Variants in CLUH observed in about 807,000 individuals in gnomAD.
CLUH encodes clustered mitochondria protein homolog.
A neutral mutation model predicts 139.3 loss-of-function variants in CLUH; 77 were observed. The ratio of observed to expected loss-of-function variants is 0.55; its 90% CI spans 0.46 to 0.67. CLUH has a LOEUF of 0.67. Among genes scored for constraint, CLUH ranks in the 30% least tolerant of loss-of-function variants. The probability of loss-of-function intolerance (pLI) is 0.00; values close to 1 mark genes in which losing one functional copy is unlikely to be tolerated. For missense variants in CLUH, 1,876 were observed against 1,875.8 expected (o/e 1.00, Z 0.00); for synonymous variants, 999 against 801.6 (o/e 1.25, Z -4.16).
At chr17:2,692,203 C>A in intron 22 of CLUH, 106 bp from the exon 23 acceptor site, 2 of 1,440,080 alleles carry the variant, frequency 1.4e-6, no homozygotes, top group Non-Finnish European at 1.9e-6. Context: ...CTGGAAGCCA[C>A]CGAGGGGAAC....
chr17:2,703,442 G>C lies in CLUH; in HGVS notation c.351C>G (p.Asp117Glu). The C allele has an allele frequency of 6.2e-7, 1 of 1,613,714 alleles. No individual in the cohort carries two copies. Among genetic ancestry groups the C allele is most frequent in the Middle Eastern group, 1.6e-4 (1 of 6,062 alleles). Reference protein sequence around the residue: ...MVQEIHQVLMDREDTCHRTCF... With the variant: ...MVQEIHQVLMEREDTCHRTCF... ...AGGTGCGGTGACACGTGTCCTCCCG[G>C]TCCATGAGCACCTGGTGAATCTCCT... The change falls in exon 3 of 26, where the codon GAC (aspartate) becomes GAG (glutamate). Residue 117 changes from aspartate to glutamate, a missense_variant. Around this residue, in one of 3 missense-constraint regions of CLUH, gnomAD observed 270 missense variants for 354.7 expected, o/e 0.76. Coordinates refer to ENST00000651024, the MANE Select transcript of CLUH (RefSeq NM_001366661.1). The surrounding 1 kb of genome is among the most constrained non-coding windows in gnomAD (Gnocchi z 4.2).
intron 19 of CLUH, 113 bp downstream of exon 19, chr17:2,693,786 AC>A: frequency 1.5e-6 from 2 of 1,366,340 alleles, no homozygotes; most frequent in Non-Finnish European, 2.0e-6. Context: ...CCTGGGCAGA[AC>A]CAGCGACTTC....
At position 2,695,105 on chromosome 17, in the gene CLUH, C is replaced by T. The variant is rs371706854; in HGVS notation, c.2608-4G>A. On this transcript the variant is annotated splice_polypyrimidine_tract_variant and splice_region_variant and intron_variant, in intron 15 of 25. Transcript: ENST00000651024. ...AGAGGCCGGAGAGCTCGACTCCCTG[C>T]GAGGCAGGTTGGATCCGAGTCATGA... is the stretch of plus-strand genomic sequence containing the variant. 1.6e-4 allele frequency: 257 copies of T among 1,611,914 alleles called. No homozygotes were observed. Among genetic ancestry groups the T allele is most frequent in the Non-Finnish European group, 2.1e-4 (242 of 1,178,842 alleles).
upstream of CLUH, chr17:2,711,779 G>C (rs1045195728): frequency 1.7e-5 from 5 of 293,340 alleles, no homozygotes; most frequent in Non-Finnish European, 2.5e-5. Flanking sequence ...CACGTGGTGC[G>C]CGCCGTGGCC....
At chr17:2,699,635 CT>C (rs34048701) in intron 9 of CLUH, among the ~76,000 whole-genome samples, 69,891 of 144,820 alleles carry the variant, frequency 0.48, 18,686 homozygotes, top group Non-Finnish European at 0.61. Flanking sequence ...GCTGAGATTT[CT>C]TTTTTTTTTT....
Position 2,692,581 on chromosome 17 carries a change from G to C in CLUH, c.3428C>G (p.Ala1143Gly). The change falls in exon 21 of 26, where the codon GCG becomes GGG. Residue 1143 changes from alanine (A) to glycine (G), a missense_variant. Around this residue, in one of 3 missense-constraint regions of CLUH, gnomAD observed 1,454 missense variants for 1,384.4 expected, o/e 1.05. Transcript: ENST00000651024. Reference sequence around the variant, plus strand: ...CGCCCCAGCACTCACGTCCAGCAGCGCCATCTCGGGGTGGTCTTCCCCGAA... The same window carrying C: ...CGCCCCAGCACTCACGTCCAGCAGCCCCATCTCGGGGTGGTCTTCCCCGAA... ...LVFGEDHPEM[A>G]LLDNNIGLVL... 6.2e-7 allele frequency: 1 copy of C among 1,611,580 alleles called. No homozygotes were observed. The highest frequency in any genetic ancestry group is 8.5e-7 in the Non-Finnish European group (1 of 1,179,238).
At chr17:2,708,925 A>AGTG (rs2070432887) in intron 1 of CLUH, among the ~76,000 whole-genome samples, 1 of 151,712 alleles carries the variant, frequency 6.6e-6, no homozygotes, top group Admixed American at 6.6e-5. Context: ...CCTTGGGCCA[A>AGTG]TACTCCCTCC....
intron 4 of CLUH, 40 bp downstream of exon 4, chr17:2,701,874 C>T (rs1034431837): frequency 1.7e-5 from 27 of 1,611,006 alleles, no homozygotes; most frequent in Middle Eastern, 1.8e-4. Context: ...CCGTGCTCCC[C>T]GCCCTTTGGC....
intron 9 of CLUH, among the ~76,000 whole-genome samples, chr17:2,698,927 G>A (rs936312942): frequency 6.6e-6 from 1 of 152,084 alleles, no homozygotes; most frequent in African/African-American, 2.4e-5. Flanking sequence ...CGCGCCTGTA[G>A]TCCCAGCCAC....
At chr17:2,694,372 G>A (rs562219258) in intron 17 of CLUH, 96 bp from the exon 18 acceptor site, 11 of 1,519,540 alleles carry the variant, frequency 7.2e-6, no homozygotes, top group East Asian at 4.8e-5. Context: ...GACGGCTACC[G>A]TGAAAAAGCC....
intron 22 of CLUH, 77 bp from the exon 23 acceptor site, chr17:2,692,174 G>T: frequency 2.0e-6 from 3 of 1,471,310 alleles, no homozygotes; most frequent in Non-Finnish European, 2.8e-6. Flanking sequence ...GGGGCCCGGG[G>T]TCTCCCGTAG....
At position 2,701,903 on chromosome 17, in the gene CLUH, G is replaced by C; in HGVS notation, c.619+11C>G. 1.2e-6 allele frequency: 2 copies of C among 1,613,388 alleles called. No individual in the cohort carries two copies. Among genetic ancestry groups the C allele is most frequent in the Non-Finnish European group, 1.7e-6 (2 of 1,179,884 alleles). On this transcript the variant is annotated intron_variant, in intron 4 of 25. Transcript: ENST00000651024. ...CTTTGGCCCAATCCCCGGCCCCAGT[G>C]CCTCCCGCACCTCCCAGGTCGCCGT...
In CLUH at chr17:2,706,582, C is replaced by A. The variant is rs573345967; in HGVS notation, c.101-2018G>T. On this transcript the variant is annotated intron_variant, in intron 1 of 25. Coordinates refer to ENST00000651024, the MANE Select transcript of CLUH (RefSeq NM_001366661.1). The surrounding 1 kb of genome is among the most constrained non-coding windows in gnomAD (Gnocchi z 4.6). Reference sequence around the variant, plus strand: ...AAAGACCTCCCTTCCAGGATCCAACCGCCCCAGGAAGGGCACCCCCAATCC... The same window carrying A: ...AAAGACCTCCCTTCCAGGATCCAACAGCCCCAGGAAGGGCACCCCCAATCC... Among the ~76,000 whole-genome samples, 7 of 152,180 alleles carry A rather than the reference C, an allele frequency of 4.6e-5. No individual in the cohort carries two copies. Among genetic ancestry groups the A allele is most frequent in the Admixed American group, 4.6e-4 (7 of 15,274 alleles).
chr17:2,695,613 A>G, intron 13 of CLUH, 87 bp from the exon 14 acceptor site: 1 of 1,441,956 alleles, frequency 6.9e-7, no homozygotes, highest in South Asian at 1.4e-5. Context: ...CTATCCTGGG[A>G]GGCCCTGGAG....
rs922386070 is a variant in CLUH at position 2,707,542 on chromosome 17, C to T, written c.101-2978G>A. The T allele has an allele frequency of 9.1e-6, 9 of 985,276 alleles. No homozygotes were observed. The South Asian group carries it at 1.9e-4, about 21-fold the overall frequency. 61.0% of individuals were successfully genotyped at this position (985,276 alleles called of 1,614,324 possible). On this transcript the variant is annotated intron_variant, in intron 1 of 25. Transcript: ENST00000651024. This position sits in a 1 kb window ranked among gnomAD's most constrained non-coding sequence, Gnocchi z 7.4. ...TGCCCCCTAGAGAGGGGGTCACTGCCGGCAAAGCCGCTAGGGGGATCGGAG... is the reference window on the plus strand; with the variant it reads ...TGCCCCCTAGAGAGGGGGTCACTGCTGGCAAAGCCGCTAGGGGGATCGGAG...
chr17:2,695,321 C>T (rs1438625527), intron 14 of CLUH, 41 bp from the exon 15 acceptor site: 1 of 1,613,410 alleles, frequency 6.2e-7, no homozygotes, highest in Non-Finnish European at 8.5e-7. Flanking sequence ...AGGCCCCCGG[C>T]CTCCATCCCA....
intron 1 of CLUH, among the ~76,000 whole-genome samples, chr17:2,708,654 C>G (rs534005160): frequency 1.3e-5 from 2 of 152,238 alleles, no homozygotes; most frequent in African/African-American, 4.8e-5. Context: ...GTGTCAGACG[C>G]CCAAGCCCAT....
intron 7 of CLUH, 69 bp from the exon 8 acceptor site, chr17:2,700,894 T>G (rs2070153600): frequency 6.7e-7 from 1 of 1,491,426 alleles, no homozygotes. Flanking sequence ...GGGCCCCTTT[T>G]CTGAGGCCCC....
chr17:2,696,003 G>A (rs2069925849), intron 13 of CLUH, 156 bp downstream of exon 13: 3 of 646,524 alleles, frequency 4.6e-6, no homozygotes, highest in Non-Finnish European at 8.1e-6. Flanking sequence ...ACCTCTGGGG[G>A]TCAGGCTCCC....
Sources: allele counts gnomAD v4.1 joint callset (sites outside exome capture counted in the v4.1 genomes callset), GRCh38; gene constraint gnomAD v4.1.1; regional missense constraint gnomAD v4.1.1; non-coding constraint Gnocchi (gnomAD v3.1); transcripts MANE v1.5; gene names NCBI Gene and HGNC (gene_info 2026-07-23, HGNC 2026-07-21).